The following CHD1L variants were observed in gnomAD, a reference collection of about 807,000 sequenced individuals.
The protein encoded by CHD1L is ATP-dependent chromatin remodeler CHD1L.
In CHD1L, 118 loss-of-function variants were observed where a neutral mutation model predicts 115.9. The ratio of observed to expected loss-of-function variants is 1.02; its 90% confidence interval spans 0.88 to 1.19. CHD1L has a LOEUF of 1.19. Ranked by LOEUF, CHD1L falls within the 50% of genes most tolerant of loss-of-function variation. The pLI is 0.00. For missense variants in CHD1L, 1,179 were observed against 1,065.3 expected, an observed-to-expected ratio of 1.11 and a Z score of -1.49; for synonymous variants, 411 against 387.1, an observed-to-expected ratio of 1.06 and a Z score of -0.72.
At chr1:147,254,298 G>A (rs1015232564) in intron 2 of CHD1L, among the ~76,000 whole-genome samples, 4 of 151,956 alleles carry the variant, frequency 2.6e-5, no homozygotes, top group Admixed American at 1.3e-4. Flanking sequence ...GCGTTTTGTC[G>A]GTTCTGTTCA....
chr1:147,241,536 T>TA (rs1664885673), upstream of CHD1L, among the ~76,000 whole-genome samples: 1 of 152,146 alleles, frequency 6.6e-6, no homozygotes, highest in Non-Finnish European at 1.5e-5. Context: ...CCAGGTGAAA[T>TA]AAACAGCTTT....
intron 1 of CHD1L, among the ~76,000 whole-genome samples, chr1:147,247,908 T>G (rs1331061968): frequency 6.6e-6 from 1 of 152,178 alleles, no homozygotes; most frequent in African/African-American, 2.4e-5. Context: ...CTGTTAAAGT[T>G]TCTCCGAATG....
chr1:147,184,460 G>A, the CHD1L span: 4 of 1,403,344 alleles, frequency 2.9e-6, no homozygotes, highest in East Asian at 1.1e-4. The surrounding 1 kb of genome is among the most constrained non-coding windows in gnomAD (Gnocchi z 4.4). Context: ...TGTTGCAGGA[G>A]TCCATCCAGG....
intron 6 of CHD1L, among the ~76,000 whole-genome samples, chr1:147,261,268 G>A (rs1309476405): frequency 3.9e-5 from 6 of 152,256 alleles, no homozygotes; most frequent in Middle Eastern, 3.4e-3. Flanking sequence ...ATTTATCACC[G>A]TTCTAGAGGC....
Position 147,278,434 on chromosome 1 carries a change from A to G in CHD1L, c.1540-1592A>G, listed in dbSNP as rs587746556. Among the ~76,000 whole-genome samples the G allele has an allele frequency of 7.8e-4, 119 of 151,668 alleles. 1 individual carries two copies. Among genetic ancestry groups the G allele is most frequent in the Non-Finnish European group, 8.8e-4 (60 of 67,908 alleles). On this transcript the variant is annotated intron_variant, in intron 14 of 22. Coordinates refer to ENST00000369258, the MANE Select transcript of CHD1L (RefSeq NM_004284.6). ...GAGACGGGGTTTCACCATGTTGGCC[A>G]GACTGGTCTTGATCTCCTGACCTTG... is the stretch of plus-strand genomic sequence containing the variant.
the CHD1L span, chr1:147,209,188 G>C: frequency 1.7e-6 from 1 of 585,416 alleles, no homozygotes; most frequent in Non-Finnish European, 3.0e-6. Flanking sequence ...GGGAGGCCAA[G>C]GCGGGCGGAT....
chr1:147,259,953 C>A (rs782117250), intron 6 of CHD1L, 35 bp downstream of exon 6: 2 of 1,464,632 alleles, frequency 1.4e-6, no homozygotes, highest in Admixed American at 3.8e-5. Flanking sequence ...TTTTATATAA[C>A]CCCTTCTTTT....
rs116120378 is a variant in CHD1L at position 147,261,731 on chromosome 1, A to G, written c.576+1813A>G. Among the ~76,000 whole-genome samples, 1,213 of 141,672 alleles carry G rather than the reference A, an allele frequency of 8.6e-3. 17 individuals are homozygous for G. The highest frequency in any genetic ancestry group is 0.035 in the African/African-American group (1,142 of 33,094). 92.9% of individuals were successfully genotyped at this position (141,672 alleles called of 152,430 possible). On this transcript the variant is annotated intron_variant, in intron 6 of 22. Transcript: ENST00000369258. ...GTTATTCATAAGGAAACTAAGGCTC[A>G]GGGATTAAGTGAAGAAATGGTTCTG...
the CHD1L span, among the ~76,000 whole-genome samples, chr1:147,205,519 C>A: frequency 6.6e-6 from 1 of 152,062 alleles, no homozygotes; most frequent in Non-Finnish European, 1.5e-5. Flanking sequence ...CAAAACAATG[C>A]CTTGGGTTCT....
In CHD1L at chr1:147,280,093, T is replaced by C. The variant is rs370004935; in HGVS notation, c.1607T>C (p.Ile536Thr). 409 of 1,613,946 alleles carry C rather than the reference T, an allele frequency of 2.5e-4. No homozygotes were observed. The highest frequency in any genetic ancestry group is 3.1e-4 in the Non-Finnish European group (365 of 1,180,004). ...TCTGAGGGGAGCACCATGGATGAAATAGACCTGGAGTCCATCCTGGGAGAA... is the reference window on the plus strand; with the variant it reads ...TCTGAGGGGAGCACCATGGATGAAACAGACCTGGAGTCCATCCTGGGAGAA... ...LASEGSTMDE[I>T]DLESILGETK... Residue 536 changes from isoleucine (I) to threonine (T), a missense_variant, in exon 15 of 23, where the codon ATA becomes ACA. Transcript: ENST00000369258.
the CHD1L span, chr1:147,176,005 G>A: frequency 6.6e-6 from 1 of 150,962 alleles, no homozygotes; most frequent in Middle Eastern, 2.9e-3. Flanking sequence ...AATTTTGAAG[G>A]GGAGGTATGG....
At chr1:147,214,994 G>T in the CHD1L span, 4 of 152,072 alleles carry the variant, frequency 2.6e-5, no homozygotes, top group Non-Finnish European at 4.4e-5. Flanking sequence ...AAAAAGGCAT[G>T]ACTTAGCAGG....
chr1:147,269,043 ACT>A (rs1553950846), intron 10 of CHD1L, among the ~76,000 whole-genome samples, 165 bp downstream of exon 10: 1 of 148,216 alleles, frequency 6.7e-6, no homozygotes, highest in African/African-American at 2.5e-5. Flanking sequence ...ATTCTATCCC[ACT>A]CCACCCCTTC....
chr1:147,186,937 GC>G, the CHD1L span: 1 of 1,614,080 alleles, frequency 6.2e-7, no homozygotes, highest in Non-Finnish European at 8.5e-7. Flanking sequence ...GAAGGCAAGA[GC>G]TAGCATAAAC....
At chr1:147,285,135 C>T (rs1682558683) in intron 16 of CHD1L, among the ~76,000 whole-genome samples, 189 bp from the exon 17 acceptor site, 2 of 152,166 alleles carry the variant, frequency 1.3e-5, no homozygotes, top group South Asian at 4.1e-4. Flanking sequence ...GGTCACTGTG[C>T]CTGTGAAGTG....
the CHD1L span, chr1:147,179,690 G>A: frequency 5.7e-5 from 50 of 878,640 alleles, no homozygotes; most frequent in East Asian, 1.2e-3. Context: ...AACCACTGGG[G>A]AGGACTAGGA....
At chr1:147,290,418 T>C (rs1320146424) in intron 19 of CHD1L, among the ~76,000 whole-genome samples, 2 of 152,118 alleles carry the variant, frequency 1.3e-5, no homozygotes, top group Non-Finnish European at 2.9e-5. Context: ...GAAGATTACA[T>C]ACTTTTTTTG....
chr1:147,187,333 CT>C, the CHD1L span: 3 of 889,626 alleles, frequency 3.4e-6, no homozygotes, highest in Non-Finnish European at 5.2e-6. Context: ...CTGCTATTGG[CT>C]CAATATCAGA....
chr1:147,202,952 T>C, the CHD1L span, among the ~76,000 whole-genome samples: 1 of 152,302 alleles, frequency 6.6e-6, no homozygotes, highest in South Asian at 2.1e-4. Flanking sequence ...AACCAGATGA[T>C]ACAATTGTCT....
Sources: gnomAD v4.1 joint callset for allele counts (sites outside exome capture counted in the v4.1 genomes callset) on GRCh38, gnomAD v4.1.1 for gene constraint, Gnocchi (gnomAD v3.1) non-coding constraint, MANE v1.5 for transcripts, NCBI Gene and HGNC (gene_info 2026-07-23, HGNC 2026-07-21) for gene names.